Variants in NRG1 observed in about 807,000 individuals in gnomAD.
NRG1 encodes pro-neuregulin-1, membrane-bound isoform.
In NRG1, 18 loss-of-function variants were observed where a neutral mutation model predicts 63.8. That is an observed-to-expected ratio of 0.28 (90% confidence interval 0.19 to 0.42). The LOEUF (loss-of-function observed/expected upper bound fraction) is 0.42, where lower values mean the gene tolerates loss of function less well. Ranked by LOEUF, NRG1 falls within the 10% of genes least tolerant of loss-of-function variation. NRG1 has a pLI of 1.00. For missense variants in NRG1, 762 were observed against 814.7 expected (o/e 0.94, Z 0.79); for synonymous variants, 302 against 301.3 (o/e 1.00, Z -0.02).
At chr8:32,558,215 G>C (rs1251344781) in intron 1 of NRG1, among the ~76,000 whole-genome samples, 1 of 152,218 alleles carries the variant, frequency 6.6e-6, no homozygotes, top group East Asian at 1.9e-4. Context: ...TTGACTGAAA[G>C]AGCCTCTACA....
chr8:32,763,990 A>C (rs1589663026), exon 12 of NRG1: 1 of 1,613,574 alleles, frequency 6.2e-7, no homozygotes. Flanking sequence ...TTCCACCACA[A>C]CCCCGCGCAT....
At chr8:32,759,502 AT>A in intron 10 of NRG1, 66 bp downstream of exon 10, 1 of 1,551,966 alleles carries the variant, frequency 6.4e-7, no homozygotes, top group Non-Finnish European at 8.8e-7. Flanking sequence ...GCCTTTTGAT[AT>A]CCCTGCCTAA....
At chr8:32,484,180 T>C (rs1313944233) in intron 1 of NRG1, among the ~76,000 whole-genome samples, 1 of 150,328 alleles carries the variant, frequency 6.7e-6, no homozygotes, top group Non-Finnish European at 1.5e-5. Context: ...AGGCAGGAAA[T>C]AGAACAAAAC....
At position 31,723,747 on chromosome 8, in the gene NRG1, C is replaced by A. The variant is rs1463889763; in HGVS notation, c.37+84316C>A. 2.0e-5 allele frequency among the ~76,000 whole-genome samples: 3 copies of A among 152,124 alleles called. No homozygotes were observed. In the East Asian group the frequency reaches 5.8e-4, roughly 29 times the overall value. Reference sequence around the variant, plus strand: ...CTTTAAATGTATTTTCTTACTGTAACTAACTACCTAGGCTGGAGGTCCTAT... The same window carrying A: ...CTTTAAATGTATTTTCTTACTGTAAATAACTACCTAGGCTGGAGGTCCTAT... On this transcript the variant is annotated intron_variant, in intron 1 of 10. Transcript: ENST00000519301.
intron 3 of NRG1, among the ~76,000 whole-genome samples, chr8:32,606,655 G>A (rs1464602218): frequency 6.6e-6 from 1 of 152,034 alleles, no homozygotes; most frequent in African/African-American, 2.4e-5. Context: ...AAAACCTTTA[G>A]TGCTTATTTA....
intron 1 of NRG1, among the ~76,000 whole-genome samples, chr8:31,917,791 T>C (rs997346041): frequency 6.6e-6 from 1 of 152,208 alleles, no homozygotes; most frequent in African/African-American, 2.4e-5. Flanking sequence ...ATAAATTACC[T>C]TGGGCAGTAT....
intron 1 of NRG1, among the ~76,000 whole-genome samples, chr8:32,457,609 A>T (rs1290362665): frequency 6.6e-6 from 1 of 152,240 alleles, no homozygotes; most frequent in African/African-American, 2.4e-5. Flanking sequence ...TTTCTACTTT[A>T]ATCTTTTCTT....
chr8:31,948,419 G>A (rs1402865681), intron 1 of NRG1, among the ~76,000 whole-genome samples: 2 of 152,154 alleles, frequency 1.3e-5, no homozygotes, highest in African/African-American at 4.8e-5. Flanking sequence ...AGCCCCAGTG[G>A]AATACAGAAC....
At chr8:32,648,226 C>G in intron 5 of NRG1, 1 of 1,614,050 alleles carries the variant, frequency 6.2e-7, no homozygotes, top group Non-Finnish European at 8.5e-7. Context: ...GAACCATCAG[C>G]GGCACCGACA....
intron 1 of NRG1, among the ~76,000 whole-genome samples, chr8:31,670,924 C>G (rs979046725): frequency 6.6e-6 from 1 of 152,070 alleles, no homozygotes; most frequent in Non-Finnish European, 1.5e-5. Flanking sequence ...ACATAATAAC[C>G]GATAGGTACT....
At chr8:31,677,502 C>T (rs1467504420) in intron 1 of NRG1, among the ~76,000 whole-genome samples, 1 of 152,040 alleles carries the variant, frequency 6.6e-6, no homozygotes, top group African/African-American at 2.4e-5. Flanking sequence ...AGTAGAAAAT[C>T]CACCGATGTC....
rs1259521217 is a variant in NRG1, at chr8:32,194,073, C to G, written c.38-401755C>G. On this transcript the variant is annotated intron_variant, in intron 1 of 10. Coordinates refer to the NRG1 transcript ENST00000519301. ...TTGGAATTGAATATGCTTGGTGACT[C>G]AACTCTTATGTGCTCATCTAGCATA... is the stretch of plus-strand genomic sequence containing the variant. 2.0e-5 allele frequency among the ~76,000 whole-genome samples: 3 copies of G among 152,214 alleles called. No homozygotes were observed. In the East Asian group the frequency reaches 5.8e-4, roughly 29 times the overall value.
rs535557879 is a variant in NRG1 at position 32,673,112 on chromosome 8, G to T, written c.503-54837G>T. 8.3e-4 allele frequency among the ~76,000 whole-genome samples: 126 copies of T among 152,260 alleles called. 4 individuals carry two copies. The South Asian group carries it at 0.025, about 31-fold the overall frequency. On this transcript the variant is annotated intron_variant, in intron 5 of 11. Coordinates refer to ENST00000356819, the Ensembl canonical transcript of NRG1. The stretch of plus-strand genomic sequence containing the variant: ...AAAAACATATCTTTCAAATGGTTTG[G>T]TGTCACACCACAAAGCGAGTTATTT...
At chr8:32,587,279 A>G (rs16879588) in intron 1 of NRG1, among the ~76,000 whole-genome samples, 2,492 of 152,208 alleles carry the variant, frequency 0.016, 48 homozygotes, top group South Asian at 0.11. Flanking sequence ...GAACCGTCTG[A>G]CCACTCTGGG....
chr8:32,319,922 T>C (rs1169156594), intron 1 of NRG1, among the ~76,000 whole-genome samples: 2 of 152,150 alleles, frequency 1.3e-5, no homozygotes, highest in African/African-American at 4.8e-5. Flanking sequence ...CTCTCAGAGA[T>C]TGTGCATTAA....
chr8:32,648,270 C>A, intron 5 of NRG1: 2 of 1,614,100 alleles, frequency 1.2e-6, no homozygotes, highest in Non-Finnish European at 8.5e-7. Context: ...TTCTTTCTTG[C>A]CGTCCACTGC....
In NRG1 at chr8:32,041,491, G is replaced by T. The variant is rs77965919; in HGVS notation, c.37+402060G>T. Among the ~76,000 whole-genome samples the T allele has an allele frequency of 2.0e-5, 3 of 152,274 alleles. No homozygotes were observed. The East Asian group carries it at 5.8e-4, about 29-fold the overall frequency. ...ACCTGAAAATAAAACAAAACCAGGCGTGAGTTTACCATGTTTATCCTCTGG... is the reference window on the plus strand; with the variant it reads ...ACCTGAAAATAAAACAAAACCAGGCTTGAGTTTACCATGTTTATCCTCTGG... On this transcript the variant is annotated intron_variant, in intron 1 of 10. Transcript: ENST00000519301.
chr8:32,659,464 A>T (rs1802333547), intron 5 of NRG1, among the ~76,000 whole-genome samples: 1 of 152,080 alleles, frequency 6.6e-6, no homozygotes, highest in African/African-American at 2.4e-5. Context: ...AAATCTTTAG[A>T]CCTTGATCAT....
At chr8:32,759,285 T>G (rs778737434) in intron 9 of NRG1, 21 bp from the exon 10 acceptor site, 1 of 1,609,946 alleles carries the variant, frequency 6.2e-7, no homozygotes, top group South Asian at 1.1e-5. Flanking sequence ...ATCTTCAAGT[T>G]GTGTCTCTTT....
Sources: gnomAD v4.1 joint callset for allele counts (sites outside exome capture counted in the v4.1 genomes callset) on GRCh38, gnomAD v4.1.1 for gene constraint, MANE v1.5 for transcripts, NCBI Gene and HGNC (gene_info 2026-07-23, HGNC 2026-07-21) for gene names.